The following SCRT2 variants were observed in gnomAD, a reference collection of about 807,000 sequenced individuals.
SCRT2 encodes scratch family transcriptional repressor 2, also known as transcriptional repressor scratch 2.
SCRT2 carries 2 observed loss-of-function variants against 3.7 expected under a neutral mutation model. The observed-to-expected ratio is 0.54, with a 90% CI of 0.22 to 1.70. The LOEUF (loss-of-function observed/expected upper bound fraction) is 1.70, where lower values mean the gene tolerates loss of function less well. Among genes scored for constraint, SCRT2 ranks in the 40% most tolerant of loss-of-function variants. The probability of loss-of-function intolerance (pLI) is 0.19; values close to 1 mark genes in which losing one functional copy is unlikely to be tolerated. For missense variants in SCRT2, 456 were observed against 468.5 expected (o/e 0.97, Z 0.25); for synonymous variants, 256 against 220.6 (o/e 1.16, Z -1.42).
At chr20:671,688 C>G (rs1185382004) in intron 1 of SCRT2, among the ~76,000 whole-genome samples, 4 of 152,134 alleles carry the variant, frequency 2.6e-5, no homozygotes, top group Non-Finnish European at 5.9e-5. Context: ...GCTAGATAAG[C>G]CCATGGGTAG....
In SCRT2 at chr20:664,889, C is replaced by T. The variant is rs141924694; in HGVS notation, c.134-428G>A. ...TGTCTCTATTCCAACAACATGCTGC[C>T]GTTGCAGCCCTGTAACTTCTCTGGA... On this transcript the variant is annotated intron_variant, in intron 1 of 1. Coordinates refer to ENST00000246104, the MANE Select transcript of SCRT2 (RefSeq NM_033129.4). The surrounding 1 kb of genome is among the most constrained non-coding windows in gnomAD (Gnocchi z 7.9). Among the ~76,000 whole-genome samples the T allele has an allele frequency of 6.6e-6, 1 of 152,206 alleles. No homozygotes were observed. Among genetic ancestry groups the T allele is most frequent in the Non-Finnish European group, 1.5e-5 (1 of 68,042 alleles).
chr20:671,348 C>G (rs1160958767), intron 1 of SCRT2, among the ~76,000 whole-genome samples: 1 of 152,184 alleles, frequency 6.6e-6, no homozygotes, highest in African/African-American at 2.4e-5. Context: ...GGACCTTGAC[C>G]TAGACTTTGA....
chr20:672,337 G>A (rs1984359821), intron 1 of SCRT2, among the ~76,000 whole-genome samples: 1 of 151,938 alleles, frequency 6.6e-6, no homozygotes, highest in African/African-American at 2.4e-5. Context: ...CCTCTGTTCT[G>A]CCTGGCGGTA....
In SCRT2 at chr20:663,699, G is replaced by T; in HGVS notation, c.896C>A (p.Pro299Gln). ...GCTGGCCGGGCCGGCGGGGGTCGGCGGGGGTGGCTCGGCCGCCTTGGCGCA... is the reference window on the plus strand; with the variant it reads ...GCTGGCCGGGCCGGCGGGGGTCGGCTGGGGTGGCTCGGCCGCCTTGGCGCA... ...AACAKAAEPP[P>Q]PTPAGPAS The change falls in exon 2 of 2, where the codon CCG (proline) becomes CAG (glutamine). Residue 299 changes from proline (P) to glutamine (Q), a missense_variant. By Grantham distance (76) the Pro-to-Gln change is moderately conservative. Transcript: ENST00000246104. The surrounding 1 kb of genome is among the most constrained non-coding windows in gnomAD (Gnocchi z 6.9). The T allele has an allele frequency of 6.6e-7, 1 of 1,515,708 alleles. No individual in the cohort carries two copies. Among genetic ancestry groups the T allele is most frequent in the Non-Finnish European group, 8.8e-7 (1 of 1,134,102 alleles). 93.9% of individuals were successfully genotyped at this position (1,515,708 alleles called of 1,614,324 possible).
chr20:668,930 G>C (rs916495941), intron 1 of SCRT2, among the ~76,000 whole-genome samples: 7 of 152,320 alleles, frequency 4.6e-5, no homozygotes, highest in Admixed American at 4.6e-4. Context: ...GCCAGACATT[G>C]CCCTGTGCCC....
In SCRT2 at chr20:664,008, A is replaced by G; in HGVS notation, c.587T>C (p.Val196Ala). 6.2e-7 allele frequency: 1 copy of G among 1,611,896 alleles called. No individual in the cohort carries two copies. The highest frequency in any genetic ancestry group is 8.5e-7 in the Non-Finnish European group (1 of 1,179,620). The change falls in exon 2 of 2, where the codon GTG becomes GCG. Residue 196 changes from valine (V) to alanine (A), a missense_variant. Val to Ala is a moderately conservative substitution (Grantham distance 64, BLOSUM62 0). Around this residue, in one of 3 missense-constraint regions of SCRT2, gnomAD observed 306 missense variants for 305.3 expected, o/e 1.00. Coordinates refer to ENST00000246104, the MANE Select transcript of SCRT2 (RefSeq NM_033129.4). The surrounding 1 kb of genome is among the most constrained non-coding windows in gnomAD (Gnocchi z 7.9). The part of the protein sequence containing the change: ...RKCPTCGKAY[V>A]SMPALAMHLL... ...GTGCATGGCGAGCGCGGGCATGGAC[A>G]CGTAGGCCTTGCCGCACGTCGGGCA... is the stretch of plus-strand genomic sequence containing the variant.
intron 1 of SCRT2, among the ~76,000 whole-genome samples, chr20:671,192 T>C (rs1412185585): frequency 6.6e-6 from 1 of 152,202 alleles, no homozygotes; most frequent in Non-Finnish European, 1.5e-5. Flanking sequence ...AAATTGGACA[T>C]GGATTTGTCC....
In SCRT2 at chr20:664,156, C is replaced by CCCCCGCGCG. The variant is rs760188191; in HGVS notation, c.430_438dup (p.Arg144_Gly146dup). On this transcript the variant is annotated inframe_insertion, in exon 2 of 2. Transcript: ENST00000246104. The surrounding 1 kb of genome is among the most constrained non-coding windows in gnomAD (Gnocchi z 7.9). ...TGCCGGTGCCCGCCGCCCGCCTGCGCCCCCGCGCGCCCCGCGCGCCCCCCG... is the reference window on the plus strand; with the variant it reads ...TGCCGGTGCCCGCCGCCCGCCTGCGCCCCCGCGCGCCCCGCGCGCCCCGCGCGCCCCCCG... 12 of 1,158,614 alleles carry CCCCCGCGCG rather than the reference C, an allele frequency of 1.0e-5. No individual in the cohort carries two copies. The South Asian group carries it at 2.5e-4, about 24-fold the overall frequency. The allele number at this position is 1,158,614 out of a possible 1,614,324, so 71.8% of individuals were successfully genotyped here. A position where few individuals can be genotyped will look rare whatever the true frequency, so the allele number is the denominator to read the frequency against.
rs1984524214 is a variant in SCRT2, at chr20:675,778, G to A, written c.-177C>T. 8.6e-6 allele frequency: 2 copies of A among 231,300 alleles called. No individual in the cohort carries two copies. Among genetic ancestry groups the A allele is most frequent in the Non-Finnish European group, 1.6e-5 (2 of 124,938 alleles). 14.3% of individuals were successfully genotyped at this position (231,300 alleles called of 1,614,324 possible). A position where few individuals can be genotyped will look rare whatever the true frequency, so the allele number is the denominator to read the frequency against. ...GGCTCGGGCTTGGCGGCGGCGGCGC[G>A]CAGACAGGGGATCGCGGGAGCTGCG... On this transcript the variant is annotated 5_prime_UTR_variant, in exon 1 of 2. Coordinates refer to ENST00000246104, the MANE Select transcript of SCRT2 (RefSeq NM_033129.4). The surrounding 1 kb of genome is among the most constrained non-coding windows in gnomAD (Gnocchi z 6.9).
At position 675,302 on chromosome 20, in the gene SCRT2, C is replaced by A. The variant is rs764617850; in HGVS notation, c.133+167G>T. The stretch of plus-strand genomic sequence containing the variant: ...TTCCCTTTGTACGACCTAGCCCCTG[C>A]CCCGCCCGCACGGCCCTTGGAAAGC... On this transcript the variant is annotated intron_variant, in intron 1 of 1. Transcript: ENST00000246104. The surrounding 1 kb of genome is among the most constrained non-coding windows in gnomAD (Gnocchi z 6.9). Among the ~76,000 whole-genome samples, 75 of 152,130 alleles carry A rather than the reference C, an allele frequency of 4.9e-4. No individual in the cohort carries two copies. Among genetic ancestry groups the A allele is most frequent in the Non-Finnish European group, 1.0e-3 (69 of 67,984 alleles).
At position 664,247 on chromosome 20, in the gene SCRT2, C is replaced by T. The variant is rs1299295472; in HGVS notation, c.348G>A (p.Gly116=). 1 of 1,369,288 alleles carries T rather than the reference C, an allele frequency of 7.3e-7. No individual in the cohort carries two copies. The highest frequency in any genetic ancestry group is 1.9e-5 in the South Asian group (1 of 52,146). 84.8% of individuals were successfully genotyped at this position (1,369,288 alleles called of 1,614,324 possible). Residue 116 remains glycine (G), a synonymous_variant, in exon 2 of 2, where the codon GGG becomes GGA. Coordinates refer to ENST00000246104, the MANE Select transcript of SCRT2 (RefSeq NM_033129.4). This position sits in a 1 kb window ranked among gnomAD's most constrained non-coding sequence, Gnocchi z 7.9. ...CCCCGCCCCGCCGCCGCCGCGAGCG[C>T]CCGTCCGAGATGAAGAAGGCGTCCA... The part of the protein sequence containing the change: ...YSMDAFFISD[G]RSRRRRGGGG...
At position 664,416 on chromosome 20, in the gene SCRT2, T is replaced by C; in HGVS notation, c.179A>G (p.Gln60Arg). Residue 60 changes from glutamine (Q) to arginine (R), a missense_variant, in exon 2 of 2, where the codon CAG becomes CGG. By Grantham distance (43) the Gln-to-Arg change is conservative. Coordinates refer to ENST00000246104, the MANE Select transcript of SCRT2 (RefSeq NM_033129.4). This position sits in a 1 kb window ranked among gnomAD's most constrained non-coding sequence, Gnocchi z 7.9. ...RLPPSSYDAD[Q>R]KPGLELAPAE... Reference sequence around the variant, plus strand: ...CGGGGCCAGCTCCAGGCCCGGCTTCTGGTCCGCATCGTAGCTGCTCGGGGG... The same window carrying C: ...CGGGGCCAGCTCCAGGCCCGGCTTCCGGTCCGCATCGTAGCTGCTCGGGGG... 7.4e-7 allele frequency: 1 copy of C among 1,344,210 alleles called. No homozygotes were observed. The highest frequency in any genetic ancestry group is 9.6e-7 in the Non-Finnish European group (1 of 1,038,442). 83.3% of individuals were successfully genotyped at this position (1,344,210 alleles called of 1,614,324 possible). A position where few individuals can be genotyped will look rare whatever the true frequency, so the allele number is the denominator to read the frequency against.
In SCRT2 at chr20:666,168, G is replaced by A. The variant is rs1284869238; in HGVS notation, c.134-1707C>T. On this transcript the variant is annotated intron_variant, in intron 1 of 1. Transcript: ENST00000246104. This position sits in a 1 kb window ranked among gnomAD's most constrained non-coding sequence, Gnocchi z 4.4. ...ATGACTCGGAAGCGGGGGGCTCTGT[G>A]GTTGGATGTAAAGGGGGATAGTGAT... is the stretch of plus-strand genomic sequence containing the variant. Among the ~76,000 whole-genome samples the A allele has an allele frequency of 6.6e-6, 1 of 152,130 alleles. No homozygotes were observed. The highest frequency in any genetic ancestry group is 2.4e-5 in the African/African-American group (1 of 41,414).
At chr20:668,269 C>A (rs922168768) in intron 1 of SCRT2, among the ~76,000 whole-genome samples, 14 of 152,126 alleles carry the variant, frequency 9.2e-5, no homozygotes, top group Non-Finnish European at 2.1e-4. Flanking sequence ...TGACCTTGAG[C>A]AAACCACCTC....
Position 663,740 on chromosome 20 carries a change from C to T in SCRT2, c.855G>A (p.Lys285=). The stretch of plus-strand genomic sequence containing the variant: ...CCTTGGCGCAGGCCGCCTCGCAGTG[C>T]TTGTGGAGGTAGGACTTGAGCGCGA... ...KSFALKSYLH[K]HCEAACAKAA... is the part of the protein sequence containing the mutation. The change falls in exon 2 of 2, where the codon AAG becomes AAA. Residue 285 remains lysine (K), a synonymous_variant. Transcript: ENST00000246104. This position sits in a 1 kb window ranked among gnomAD's most constrained non-coding sequence, Gnocchi z 6.9. 1 of 1,565,096 alleles carries T rather than the reference C, an allele frequency of 6.4e-7. No homozygotes were observed.
intron 1 of SCRT2, among the ~76,000 whole-genome samples, chr20:673,973 C>T (rs1181369771): frequency 6.6e-6 from 1 of 152,210 alleles, no homozygotes; most frequent in East Asian, 1.9e-4. Flanking sequence ...TGCCAGCCCT[C>T]AGCCCTGCTC....
At position 667,873 on chromosome 20, in the gene SCRT2, C is replaced by T. The variant is rs565702944; in HGVS notation, c.134-3412G>A. Among the ~76,000 whole-genome samples the T allele has an allele frequency of 3.9e-5, 6 of 152,166 alleles. 1 individual carries two copies. Among genetic ancestry groups the T allele is most frequent in the East Asian group, 1.9e-4 (1 of 5,166 alleles). ...GGCCAGGTTGCTTAACCTTTCTGGG[C>T]GGAATCTATACATGACAAAGATGGA... On this transcript the variant is annotated intron_variant, in intron 1 of 1. Coordinates refer to ENST00000246104, the MANE Select transcript of SCRT2 (RefSeq NM_033129.4). The surrounding 1 kb of genome is among the most constrained non-coding windows in gnomAD (Gnocchi z 4.4).
chr20:672,388 C>CGT (rs6147265), intron 1 of SCRT2, among the ~76,000 whole-genome samples: 1,604 of 147,244 alleles, frequency 0.011, 17 homozygotes, highest in East Asian at 0.041. Context: ...GAGCATTGCT[C>CGT]GTGTGTGTGT....
rs1346832094 is a variant in SCRT2, at chr20:665,851, C to T, written c.134-1390G>A. Among the ~76,000 whole-genome samples the T allele has an allele frequency of 6.6e-6, 1 of 152,198 alleles. No homozygotes were observed. Among genetic ancestry groups the T allele is most frequent in the Admixed American group, 6.5e-5 (1 of 15,278 alleles). On this transcript the variant is annotated intron_variant, in intron 1 of 1. Transcript: ENST00000246104. The surrounding 1 kb of genome is among the most constrained non-coding windows in gnomAD (Gnocchi z 5.0). ...ACCTGTAACCACTCCTCCTTCCCTC[C>T]TCCCCTAGCCTCCTTCACTGAAGTG... is the stretch of plus-strand genomic sequence containing the variant.
Sources: gnomAD v4.1 joint callset for allele counts (sites outside exome capture counted in the v4.1 genomes callset) on GRCh38, gnomAD v4.1.1 for gene constraint, gnomAD v4.1.1 regional missense constraint, Gnocchi (gnomAD v3.1) non-coding constraint, MANE v1.5 for transcripts, NCBI Gene and HGNC (gene_info 2026-07-23, HGNC 2026-07-21) for gene names.